The following PABPC4L variants were observed in gnomAD, a reference collection of about 807,000 sequenced individuals.
The protein encoded by PABPC4L is poly(A) binding protein cytoplasmic 4 like.
For missense variants in PABPC4L, 452 were observed against 451.4 expected, an observed-to-expected ratio of 1.00 and a Z score of -0.01; for synonymous variants, 169 against 164.1, an observed-to-expected ratio of 1.03 and a Z score of -0.23.
the PABPC4L span, among the ~76,000 whole-genome samples, chr4:134,095,039 C>G: frequency 2.0e-5 from 3 of 151,808 alleles, no homozygotes; most frequent in Admixed American, 6.6e-5. Context: ...AATTCAGTCT[C>G]TTATAGTTTA....
the PABPC4L span, among the ~76,000 whole-genome samples, chr4:134,016,274 C>T: frequency 3.8e-4 from 58 of 152,256 alleles, no homozygotes; most frequent in African/African-American, 1.3e-3. Flanking sequence ...AAGGACTAAA[C>T]GTCAATATTT....
the PABPC4L span, among the ~76,000 whole-genome samples, chr4:133,952,462 A>C: frequency 6.6e-6 from 1 of 152,084 alleles, no homozygotes; most frequent in East Asian, 1.9e-4. Context: ...TTTTGCACTA[A>C]TCTATGTGAC....
chr4:134,101,885 T>C, the PABPC4L span, among the ~76,000 whole-genome samples: 1 of 151,504 alleles, frequency 6.6e-6, no homozygotes, highest in African/African-American at 2.4e-5. Context: ...TTAAGTTATA[T>C]ACAAAATAGC....
chr4:134,128,232 A>G, the PABPC4L span, among the ~76,000 whole-genome samples: 1 of 152,308 alleles, frequency 6.6e-6, no homozygotes, highest in African/African-American at 2.4e-5. Flanking sequence ...TTTGGAAAAC[A>G]TATTTGAGGG....
the PABPC4L span, among the ~76,000 whole-genome samples, chr4:134,078,740 C>G: frequency 6.6e-6 from 1 of 151,250 alleles, no homozygotes; most frequent in Non-Finnish European, 1.5e-5. Flanking sequence ...CAACCTCCAC[C>G]TCCCCGTGTT....
chr4:134,050,497 G>A, the PABPC4L span, among the ~76,000 whole-genome samples: 4 of 152,052 alleles, frequency 2.6e-5, no homozygotes, highest in African/African-American at 4.8e-5. Flanking sequence ...CTGAGGTGAG[G>A]AGTTCAAGAT....
the PABPC4L span, among the ~76,000 whole-genome samples, chr4:133,972,852 C>G: frequency 6.6e-6 from 1 of 152,178 alleles, no homozygotes; most frequent in Admixed American, 6.6e-5. Context: ...TGTTGTAGGT[C>G]TCATATAATA....
At chr4:134,182,709 A>C in the PABPC4L span, among the ~76,000 whole-genome samples, 2 of 151,922 alleles carry the variant, frequency 1.3e-5, no homozygotes, top group African/African-American at 4.8e-5. Flanking sequence ...CTACTAATCC[A>C]ACAGAGGTCT....
chr4:133,980,267 G>T, the PABPC4L span, among the ~76,000 whole-genome samples: 1 of 152,068 alleles, frequency 6.6e-6, no homozygotes. Context: ...CCCAAACCTT[G>T]AGACAAATTA....
At chr4:134,201,470 T>C (rs1199377092) in intron 1 of PABPC4L, among the ~76,000 whole-genome samples, 1 of 152,134 alleles carries the variant, frequency 6.6e-6, no homozygotes, top group Admixed American at 6.5e-5. Context: ...CCGTGGAGTA[T>C]GGGCTGCGAG....
the PABPC4L span, among the ~76,000 whole-genome samples, chr4:134,150,659 T>G: frequency 2.6e-5 from 4 of 152,188 alleles, no homozygotes; most frequent in Admixed American, 6.6e-5. Context: ...TAGGTTCACC[T>G]GGACTCCTGG....
the PABPC4L span, among the ~76,000 whole-genome samples, chr4:134,126,635 T>C: frequency 2.2e-4 from 34 of 152,258 alleles, 2 homozygotes; most frequent in South Asian, 5.2e-3. Context: ...CTATAAAACT[T>C]CCAAATTGTA....
chr4:133,956,418 C>T, the PABPC4L span, among the ~76,000 whole-genome samples: 19 of 152,264 alleles, frequency 1.2e-4, no homozygotes, highest in South Asian at 3.9e-3. Context: ...TGTGTTTCTG[C>T]TCTTAATTTG....
chr4:134,074,257 G>T, the PABPC4L span, among the ~76,000 whole-genome samples: 1 of 152,240 alleles, frequency 6.6e-6, no homozygotes, highest in South Asian at 2.1e-4. Context: ...TAGGGCAGGG[G>T]CAATATGCCA....
chr4:134,201,290 C>T (rs1729874418), intron 1 of PABPC4L, 45 bp from the exon 2 acceptor site: 1 of 1,415,544 alleles, frequency 7.1e-7, no homozygotes, highest in South Asian at 1.3e-5. Context: ...ACGTTCCTTC[C>T]CCTCAGATTT....
the PABPC4L span, among the ~76,000 whole-genome samples, chr4:134,002,875 C>A: frequency 6.6e-6 from 1 of 151,912 alleles, no homozygotes; most frequent in Non-Finnish European, 1.5e-5. Flanking sequence ...CACATTGTAT[C>A]TTCTTCTGGG....
chr4:134,102,148 A>T, the PABPC4L span, among the ~76,000 whole-genome samples: 4 of 151,504 alleles, frequency 2.6e-5, no homozygotes, highest in African/African-American at 9.7e-5. Flanking sequence ...ACATAAATTG[A>T]CAAACACTAT....
the PABPC4L span, among the ~76,000 whole-genome samples, chr4:133,971,401 G>A: frequency 1.3e-5 from 2 of 151,836 alleles, no homozygotes; most frequent in African/African-American, 4.8e-5. Context: ...GTGAGCCACC[G>A]CGCCCGGCCT....
the PABPC4L span, among the ~76,000 whole-genome samples, chr4:134,161,077 T>C: frequency 6.6e-6 from 1 of 151,772 alleles, no homozygotes; most frequent in African/African-American, 2.4e-5. Flanking sequence ...CAGAGAAACT[T>C]AACAAAGAGA....
Sources: allele counts gnomAD v4.1 joint callset (sites outside exome capture counted in the v4.1 genomes callset), GRCh38; gene constraint gnomAD v4.1.1; transcripts MANE v1.5; gene names NCBI Gene and HGNC (gene_info 2026-07-23, HGNC 2026-07-21).